Variants in RBFOX1 observed in about 807,000 individuals in gnomAD.
The protein encoded by RBFOX1 is RNA binding fox-1 homolog 1.
In RBFOX1, 8 loss-of-function variants were observed where a neutral mutation model predicts 57.7. The ratio of observed to expected loss-of-function variants is 0.14; its 90% confidence interval spans 0.08 to 0.25. The LOEUF is 0.25. RBFOX1 is among the 10% of genes least tolerant of loss of function. The pLI is 1.00. For missense variants in RBFOX1, 611 were observed against 548.5 expected, an observed-to-expected ratio of 1.11 and a Z score of -1.14; for synonymous variants, 326 against 222.4, an observed-to-expected ratio of 1.47 and a Z score of -4.15.
At chr16:6,895,640 G>C (rs1436954236) in intron 3 of RBFOX1, among the ~76,000 whole-genome samples, 2 of 151,502 alleles carry the variant, frequency 1.3e-5, no homozygotes, top group African/African-American at 4.9e-5. Context: ...ATAGATCCTT[G>C]ACAATGCCAA....
At chr16:5,913,933 C>G (rs2058655526) in intron 4 of RBFOX1, among the ~76,000 whole-genome samples, 1 of 152,232 alleles carries the variant, frequency 6.6e-6, no homozygotes, top group South Asian at 2.1e-4. Context: ...TATTCTGTCA[C>G]TCCTCTCATT....
chr16:7,198,098 T>C (rs566035024), intron 4 of RBFOX1, among the ~76,000 whole-genome samples: 2 of 139,440 alleles, frequency 1.4e-5, no homozygotes, highest in East Asian at 2.3e-4. Flanking sequence ...CTCCACCTCC[T>C]GGGTTCACGC....
chr16:6,952,983 A>C (rs1247974422), intron 3 of RBFOX1, among the ~76,000 whole-genome samples: 1 of 152,126 alleles, frequency 6.6e-6, no homozygotes, highest in Non-Finnish European at 1.5e-5. Context: ...ATAAAGAAAA[A>C]AAAATTGTCA....
intron 3 of RBFOX1, among the ~76,000 whole-genome samples, chr16:6,724,149 G>T (rs1027171347): frequency 8.6e-5 from 13 of 151,984 alleles, no homozygotes; most frequent in Non-Finnish European, 1.8e-4. Context: ...TATAAAAGAG[G>T]CTTTACAGAC....
intron 1 of RBFOX1, among the ~76,000 whole-genome samples, chr16:6,308,447 C>T (rs1168091813): frequency 1.3e-5 from 2 of 152,178 alleles, no homozygotes; most frequent in Admixed American, 1.3e-4. Context: ...ATGACTGCAT[C>T]TGAGAGAAAC....
intron 2 of RBFOX1, among the ~76,000 whole-genome samples, chr16:5,567,933 A>G (rs181666676): frequency 6.6e-6 from 1 of 152,296 alleles, no homozygotes; most frequent in Admixed American, 6.5e-5. Flanking sequence ...CTGGCTCAAA[A>G]TTGCACAGTA....
chr16:6,391,210 A>G (rs147091470), intron 2 of RBFOX1, among the ~76,000 whole-genome samples: 2,160 of 152,258 alleles, frequency 0.014, 28 homozygotes, highest in Middle Eastern at 0.048. Flanking sequence ...GTTTGAACCA[A>G]TTAAGTATCA....
intron 2 of RBFOX1, among the ~76,000 whole-genome samples, chr16:5,510,102 G>A (rs1037284608): frequency 1.3e-5 from 2 of 152,230 alleles, no homozygotes; most frequent in Non-Finnish European, 2.9e-5. Flanking sequence ...GCTTGTCTCA[G>A]AATGGATGCA....
At chr16:6,853,129 A>T (rs377606164) in intron 3 of RBFOX1, among the ~76,000 whole-genome samples, 1 of 152,220 alleles carries the variant, frequency 6.6e-6, no homozygotes, top group South Asian at 2.1e-4. Flanking sequence ...GATTGTGCGA[A>T]CTTGGGAAAG....
chr16:6,780,101 TTATATATTTA>T lies in RBFOX1; in HGVS notation c.-16+125469_-16+125478del, dbSNP rs1219881835. Among the ~76,000 whole-genome samples, 19 of 26,714 alleles carry T rather than the reference TTATATATTTA, an allele frequency of 7.1e-4. 4 individuals carry two copies. The highest frequency in any genetic ancestry group is 2.1e-3 in the African/African-American group (8 of 3,742). 17.5% of individuals were successfully genotyped at this position (26,714 alleles called of 152,430 possible). On this transcript the variant is annotated intron_variant, in intron 3 of 15. Coordinates refer to ENST00000550418, the MANE Select transcript of RBFOX1 (RefSeq NM_018723.4). Reference sequence around the variant, plus strand: ...CATATTTATATATATTTATATATTTTTATATATTTATATATATTTATATATATATTTATAT... The same window carrying T: ...CATATTTATATATATTTATATATTTTTATATATTTATATATATATTTATAT...
intron 3 of RBFOX1, among the ~76,000 whole-genome samples, chr16:5,707,705 G>T (rs1014877380): frequency 6.6e-6 from 1 of 152,180 alleles, no homozygotes. Flanking sequence ...AGCAGGAATA[G>T]CCTCATCTGT....
At chr16:6,506,286 G>A (rs1029643340) in intron 2 of RBFOX1, among the ~76,000 whole-genome samples, 1 of 152,146 alleles carries the variant, frequency 6.6e-6, no homozygotes, top group African/African-American at 2.4e-5. Flanking sequence ...GTGGGGAAAT[G>A]TAGTGACAGC....
At chr16:7,625,667 G>T (rs11860681) in intron 10 of RBFOX1, among the ~76,000 whole-genome samples, 78,363 of 151,520 alleles carry the variant, frequency 0.52, 21,638 homozygotes, top group East Asian at 0.72. Flanking sequence ...CACATTTTTT[G>T]TTTAAATTCA....
At chr16:7,372,074 A>C (rs572133972) in intron 4 of RBFOX1, among the ~76,000 whole-genome samples, 1 of 152,236 alleles carries the variant, frequency 6.6e-6, no homozygotes, top group Non-Finnish European at 1.5e-5. Flanking sequence ...TTTTACTGCC[A>C]TGTTAATTTC....
At chr16:6,917,584 T>C (rs745405675) in intron 3 of RBFOX1, among the ~76,000 whole-genome samples, 4 of 152,152 alleles carry the variant, frequency 2.6e-5, no homozygotes, top group Admixed American at 6.5e-5. Flanking sequence ...GAAATAAAAG[T>C]TAGGAAGCTC....
intron 3 of RBFOX1, among the ~76,000 whole-genome samples, chr16:5,839,527 C>A (rs36006223): frequency 6.6e-6 from 1 of 152,174 alleles, no homozygotes; most frequent in Non-Finnish European, 1.5e-5. Context: ...CTACATTAAC[C>A]TGAAGTGCTC....
At chr16:5,993,136 G>C (rs535200240) in intron 4 of RBFOX1, among the ~76,000 whole-genome samples, 11 of 152,276 alleles carry the variant, frequency 7.2e-5, no homozygotes, top group African/African-American at 1.9e-4. Context: ...ATGTCCTCAA[G>C]GTTGAACCAG....
rs2078448300 is a variant in RBFOX1 at position 6,941,306 on chromosome 16, C to A, written c.-15-110751C>A. Among the ~76,000 whole-genome samples the A allele has an allele frequency of 4.8e-5, 2 of 41,666 alleles. 1 individual carries two copies. Among genetic ancestry groups the A allele is most frequent in the South Asian group, 2.1e-3 (2 of 944 alleles). The allele number at this position is 41,666 out of a possible 152,430, so 27.3% of individuals were successfully genotyped here. Reference sequence around the variant, plus strand: ...TCCCTCCTTCCCTCCCTCCCTCCTTCCTTCCTTCCTTCCTTCCTTCCTTCC... The same window carrying A: ...TCCCTCCTTCCCTCCCTCCCTCCTTACTTCCTTCCTTCCTTCCTTCCTTCC... On this transcript the variant is annotated intron_variant, in intron 3 of 15. Transcript: ENST00000550418.
intron 3 of RBFOX1, among the ~76,000 whole-genome samples, chr16:6,817,481 G>T (rs1347567741): frequency 6.7e-6 from 1 of 150,280 alleles, no homozygotes; most frequent in African/African-American, 2.5e-5. Flanking sequence ...ATTGGTTGAG[G>T]TCAAGAGTTC....
Sources: gnomAD v4.1 joint callset for allele counts (sites outside exome capture counted in the v4.1 genomes callset) on GRCh38, gnomAD v4.1.1 for gene constraint, MANE v1.5 for transcripts, NCBI Gene and HGNC (gene_info 2026-07-23, HGNC 2026-07-21) for gene names.